PARD3: variants seen among roughly 807,000 people sequenced by gnomAD.
The protein encoded by PARD3 is partitioning defective 3 homolog.
Under a neutral mutation model 155.4 loss-of-function variants are expected in PARD3, and 75 were observed. That is an observed-to-expected ratio of 0.48 (90% CI 0.40 to 0.58). PARD3 has a LOEUF of 0.58. Ranked by LOEUF, PARD3 falls within the 20% of genes least tolerant of loss-of-function variation. The pLI, the probability that PARD3 is intolerant of heterozygous loss-of-function variation, is 0.00. For missense variants in PARD3, 1,642 were observed against 1,721.7 expected, an observed-to-expected ratio of 0.95 and a Z score of 0.82; for synonymous variants, 576 against 610.5, an observed-to-expected ratio of 0.94 and a Z score of 0.83.
intron 5 of PARD3, among the ~76,000 whole-genome samples, chr10:34,425,945 A>G (rs1260023999): frequency 6.6e-6 from 1 of 152,174 alleles, no homozygotes; most frequent in Non-Finnish European, 1.5e-5. Context: ...TCATAAACAC[A>G]ACAATGATTC....
At chr10:34,630,121 C>T (rs926149728) in intron 2 of PARD3, among the ~76,000 whole-genome samples, 13 of 152,026 alleles carry the variant, frequency 8.6e-5, no homozygotes, top group African/African-American at 3.1e-4. Context: ...CTAAAATCAC[C>T]GACATAGCAA....
chr10:34,474,807 G>A (rs1462570818), intron 3 of PARD3, among the ~76,000 whole-genome samples: 2 of 152,154 alleles, frequency 1.3e-5, no homozygotes, highest in Admixed American at 1.3e-4. Context: ...TAAAAGAGAA[G>A]AATTTTGTTG....
chr10:34,241,202 C>T (rs1405538737), intron 22 of PARD3, among the ~76,000 whole-genome samples: 1 of 152,140 alleles, frequency 6.6e-6, no homozygotes, highest in Admixed American at 6.5e-5. Flanking sequence ...TCAGGTAGAC[C>T]ATGCTAAAGA....
intron 22 of PARD3, among the ~76,000 whole-genome samples, chr10:34,188,534 T>C (rs1455947766): frequency 6.6e-6 from 1 of 152,102 alleles, no homozygotes; most frequent in East Asian, 1.9e-4. Flanking sequence ...CAACGGTACA[T>C]GCACATACAA....
At chr10:34,532,250 T>C (rs1383717453) in intron 2 of PARD3, among the ~76,000 whole-genome samples, 1 of 152,188 alleles carries the variant, frequency 6.6e-6, no homozygotes, top group Non-Finnish European at 1.5e-5. Flanking sequence ...TTTAAATTTT[T>C]TTCCTTATCT....
chr10:34,168,826 G>A (rs775362962), intron 22 of PARD3, among the ~76,000 whole-genome samples: 10 of 152,116 alleles, frequency 6.6e-5, no homozygotes, highest in Non-Finnish European at 1.3e-4. Context: ...TAAATAGTTT[G>A]AGGGCATTAA....
chr10:34,417,996 T>C (rs907567428), intron 5 of PARD3, among the ~76,000 whole-genome samples: 2 of 152,124 alleles, frequency 1.3e-5, no homozygotes, highest in Non-Finnish European at 2.9e-5. Flanking sequence ...TAAAAATAAA[T>C]CTATTTCAGA....
chr10:34,444,862 A>T (rs1285823481), intron 5 of PARD3, among the ~76,000 whole-genome samples: 1 of 152,146 alleles, frequency 6.6e-6, no homozygotes. Context: ...GCTTATTCCC[A>T]CTGGAAAAGC....
chr10:34,432,337 T>TACACACACACACACACACACACACAC (rs71917947), intron 5 of PARD3, among the ~76,000 whole-genome samples: 1 of 143,456 alleles, frequency 7.0e-6, no homozygotes, highest in African/African-American at 2.6e-5. Flanking sequence ...CACGTGCACA[T>TACACACACACACACACACACACACAC]ACACACACAC....
chr10:34,700,622 T>C (rs543830726), intron 1 of PARD3, among the ~76,000 whole-genome samples: 4 of 152,336 alleles, frequency 2.6e-5, no homozygotes, highest in East Asian at 1.9e-4. Context: ...ATTTACTACA[T>C]GCAAAGCATT....
intron 4 of PARD3, among the ~76,000 whole-genome samples, chr10:34,469,691 T>C (rs1471841791): frequency 6.6e-6 from 1 of 152,130 alleles, no homozygotes; most frequent in Admixed American, 6.6e-5. Context: ...ATGTGTCAAA[T>C]ATCCCTGTAA....
At chr10:34,491,417 T>A (rs1403366103) in intron 3 of PARD3, among the ~76,000 whole-genome samples, 1 of 152,248 alleles carries the variant, frequency 6.6e-6, no homozygotes, top group Non-Finnish European at 1.5e-5. Context: ...AATAATTGTT[T>A]TTCTACTTAT....
chr10:34,165,923 C>T (rs1227501759), intron 22 of PARD3, among the ~76,000 whole-genome samples: 2 of 152,136 alleles, frequency 1.3e-5, no homozygotes, highest in Non-Finnish European at 2.9e-5. Flanking sequence ...ATGTTGACAA[C>T]ATTTTGAAAT....
At chr10:34,481,177 G>C (rs913216500) in intron 3 of PARD3, among the ~76,000 whole-genome samples, 1 of 150,970 alleles carries the variant, frequency 6.6e-6, no homozygotes, top group Non-Finnish European at 1.5e-5. Flanking sequence ...CAAGTAATAA[G>C]CATAGTATCC....
intron 5 of PARD3, among the ~76,000 whole-genome samples, chr10:34,432,922 T>C (rs1437027122): frequency 1.3e-5 from 2 of 152,082 alleles, no homozygotes; most frequent in Non-Finnish European, 2.9e-5. Flanking sequence ...ATAAATAATA[T>C]GAATGAGCTT....
At chr10:34,386,268 A>G (rs1490608370) in intron 7 of PARD3, among the ~76,000 whole-genome samples, 2 of 152,200 alleles carry the variant, frequency 1.3e-5, no homozygotes, top group Non-Finnish European at 1.5e-5. Flanking sequence ...TGTAGATAAT[A>G]TTTAGTTACT....
At chr10:34,784,849 T>C (rs1463288798) in intron 1 of PARD3, among the ~76,000 whole-genome samples, 2 of 152,182 alleles carry the variant, frequency 1.3e-5, no homozygotes, top group African/African-American at 4.8e-5. Context: ...AGCGGAAACA[T>C]CACTGTTCAT....
intron 4 of PARD3, among the ~76,000 whole-genome samples, chr10:34,458,990 C>T (rs552679351): frequency 3.3e-5 from 5 of 152,250 alleles, no homozygotes; most frequent in Non-Finnish European, 5.9e-5. Flanking sequence ...ATAAATATTT[C>T]GGGTTCAATT....
intron 19 of PARD3, among the ~76,000 whole-genome samples, chr10:34,322,443 T>C (rs1008043913): frequency 7.2e-5 from 11 of 152,234 alleles, no homozygotes; most frequent in Non-Finnish European, 1.3e-4. Flanking sequence ...AGTTGCACTT[T>C]CTATTACATA....
Sources: gnomAD v4.1 joint callset for allele counts (sites outside exome capture counted in the v4.1 genomes callset) on GRCh38, gnomAD v4.1.1 for gene constraint, MANE v1.5 for transcripts, NCBI Gene and HGNC (gene_info 2026-07-23, HGNC 2026-07-21) for gene names.